The following SNTG1 variants were observed in gnomAD, a reference collection of about 807,000 sequenced individuals.
SNTG1 encodes gamma-1-syntrophin.
A neutral mutation model predicts 74.7 loss-of-function variants in SNTG1; 39 were observed. The ratio of observed to expected loss-of-function variants is 0.52; its 90% CI spans 0.40 to 0.68. The LOEUF (loss-of-function observed/expected upper bound fraction) is 0.68. SNTG1 is among the 30% of genes least tolerant of loss of function. The pLI, the probability that SNTG1 is intolerant of heterozygous loss-of-function variation, is 0.00. For synonymous variants in SNTG1, 254 were observed against 217.1 expected, an observed-to-expected ratio of 1.17 and a Z score of -1.49; for missense variants, 685 against 609.5, an observed-to-expected ratio of 1.12 and a Z score of -1.30.
intron 1 of SNTG1, among the ~76,000 whole-genome samples, chr8:49,993,981 T>A (rs1813939399): frequency 6.6e-6 from 1 of 152,154 alleles, no homozygotes. Flanking sequence ...TCCTCTCAAA[T>A]CCTTTCTACC....
intron 1 of SNTG1, among the ~76,000 whole-genome samples, chr8:50,094,148 A>G (rs1297578629): frequency 1.3e-5 from 2 of 152,102 alleles, no homozygotes; most frequent in Non-Finnish European, 2.9e-5. Flanking sequence ...AGGAAGAAGT[A>G]GATAAGTAGC....
chr8:50,251,419 A>G (rs1269527759), intron 2 of SNTG1, among the ~76,000 whole-genome samples: 1 of 151,988 alleles, frequency 6.6e-6, no homozygotes, highest in Non-Finnish European at 1.5e-5. Flanking sequence ...AAATTTTCCA[A>G]TTTAGGTTTA....
intron 1 of SNTG1, among the ~76,000 whole-genome samples, chr8:50,073,566 A>G (rs203939): frequency 0.53 from 79,886 of 151,892 alleles, 23,997 homozygotes; most frequent in East Asian, 0.84. Context: ...GGAATGATGC[A>G]TTTTTCCAGG....
chr8:50,641,447 A>G (rs1455572053), intron 13 of SNTG1, among the ~76,000 whole-genome samples: 2 of 152,214 alleles, frequency 1.3e-5, no homozygotes, highest in African/African-American at 4.8e-5. Flanking sequence ...ACTCAAGCAC[A>G]TTGCTCAGCA....
chr8:50,197,138 T>C (rs148143798), intron 2 of SNTG1, among the ~76,000 whole-genome samples: 131 of 152,318 alleles, frequency 8.6e-4, no homozygotes, highest in South Asian at 2.3e-3. Flanking sequence ...ATGATTGTTA[T>C]TTATTTCCAT....
chr8:50,231,279 G>C (rs1388774367), intron 2 of SNTG1, among the ~76,000 whole-genome samples: 1 of 151,328 alleles, frequency 6.6e-6, no homozygotes, highest in African/African-American at 2.4e-5. Flanking sequence ...ATACACTAAT[G>C]GTGGGAATGT....
intron 2 of SNTG1, among the ~76,000 whole-genome samples, chr8:50,229,165 C>T (rs1456271026): frequency 2.0e-5 from 3 of 151,052 alleles, no homozygotes; most frequent in Non-Finnish European, 4.4e-5. Context: ...ATAAAATGCT[C>T]AATTAAAACC....
chr8:50,325,881 T>G (rs1336718990), intron 2 of SNTG1, among the ~76,000 whole-genome samples: 9 of 152,088 alleles, frequency 5.9e-5, no homozygotes, highest in Non-Finnish European at 1.2e-4. Flanking sequence ...GTAAATGTTC[T>G]TTTTCAAGTT....
intron 4 of SNTG1, among the ~76,000 whole-genome samples, chr8:50,429,520 T>G (rs975021893): frequency 1.8e-4 from 27 of 152,096 alleles, no homozygotes; most frequent in African/African-American, 6.3e-4. Flanking sequence ...GAACTAAAAC[T>G]ATTAAAACTC....
At chr8:50,733,746 T>C (rs533412049) in intron 17 of SNTG1, among the ~76,000 whole-genome samples, 1 of 152,144 alleles carries the variant, frequency 6.6e-6, no homozygotes, top group African/African-American at 2.4e-5. Flanking sequence ...AAATGTGTGT[T>C]CGTGTCCTTC....
At chr8:50,674,777 T>C (rs1174216268) in intron 15 of SNTG1, among the ~76,000 whole-genome samples, 1 of 151,790 alleles carries the variant, frequency 6.6e-6, no homozygotes, top group African/African-American at 2.4e-5. Context: ...TTTGAGATCT[T>C]TCTAGCTTTC....
intron 12 of SNTG1, among the ~76,000 whole-genome samples, chr8:50,568,357 CT>C (rs1198273138): frequency 1.3e-5 from 2 of 151,946 alleles, no homozygotes; most frequent in Non-Finnish European, 2.9e-5. Context: ...TGGATATATA[CT>C]CAGTAATGGA....
chr8:50,291,025 G>A (rs1236090590), intron 2 of SNTG1, among the ~76,000 whole-genome samples: 1 of 152,102 alleles, frequency 6.6e-6, no homozygotes, highest in East Asian at 1.9e-4. Context: ...CAAAGTGCTG[G>A]GACTGCAGAC....
intron 1 of SNTG1, among the ~76,000 whole-genome samples, chr8:50,058,601 G>A (rs943246135): frequency 1.3e-5 from 2 of 152,044 alleles, no homozygotes; most frequent in East Asian, 1.9e-4. Context: ...AGTTATATGC[G>A]ATGATCCTGA....
chr8:50,407,196 C>T (rs913892970), intron 4 of SNTG1, among the ~76,000 whole-genome samples: 2 of 152,096 alleles, frequency 1.3e-5, no homozygotes, highest in South Asian at 2.1e-4. Flanking sequence ...AGATAAACAT[C>T]CAACTTTGGA....
At chr8:50,628,564 CTGT>C (rs1482658197) in intron 13 of SNTG1, among the ~76,000 whole-genome samples, 1 of 151,792 alleles carries the variant, frequency 6.6e-6, no homozygotes, top group Non-Finnish European at 1.5e-5. Context: ...TTTCTCAGTC[CTGT>C]TGTTCGTTCT....
chr8:50,098,933 T>C (rs1240171676), intron 1 of SNTG1, among the ~76,000 whole-genome samples: 1 of 152,136 alleles, frequency 6.6e-6, no homozygotes, highest in Non-Finnish European at 1.5e-5. Context: ...AATCACACTA[T>C]TGTTCTTCTG....
intron 1 of SNTG1, among the ~76,000 whole-genome samples, chr8:50,031,293 T>A (rs538845273): frequency 1.3e-5 from 2 of 152,072 alleles, no homozygotes; most frequent in South Asian, 4.1e-4. Context: ...AAATAAGTTC[T>A]ATTTTATTTT....
intron 17 of SNTG1, among the ~76,000 whole-genome samples, chr8:50,709,864 A>T (rs969159252): frequency 6.6e-6 from 1 of 152,090 alleles, no homozygotes; most frequent in Non-Finnish European, 1.5e-5. Context: ...GTTCCTTCTC[A>T]CTAATTTTAA....
Sources: gnomAD v4.1 joint callset for allele counts (sites outside exome capture counted in the v4.1 genomes callset) on GRCh38, gnomAD v4.1.1 for gene constraint, MANE v1.5 for transcripts, NCBI Gene and HGNC (gene_info 2026-07-23, HGNC 2026-07-21) for gene names.